Variants in TASP1 observed in about 807,000 individuals in gnomAD.
The protein encoded by TASP1 is threonine aspartase 1.
Under a neutral mutation model 56.6 loss-of-function variants are expected in TASP1, and 16 were observed. The observed-to-expected ratio is 0.28, with a 90% CI of 0.19 to 0.43. The LOEUF is 0.43. Among genes scored for constraint, TASP1 ranks in the 20% least tolerant of loss-of-function variants. The pLI is 1.00. For synonymous variants in TASP1, 179 were observed against 184.2 expected (o/e 0.97, Z 0.23); for missense variants, 393 against 511.6 (o/e 0.77, Z 2.24).
the TASP1 span, among the ~76,000 whole-genome samples, chr20:13,321,200 T>C: frequency 5.6e-5 from 7 of 124,496 alleles, no homozygotes; most frequent in African/African-American, 2.4e-4. Flanking sequence ...AGACCCTGTC[T>C]CCAAAACAAT....
intron 13 of TASP1, among the ~76,000 whole-genome samples, chr20:13,414,762 T>C (rs995915367): frequency 6.6e-6 from 1 of 152,060 alleles, no homozygotes; most frequent in Non-Finnish European, 1.5e-5. Context: ...CTTTATCTTA[T>C]GTTATCAAAG....
At chr20:13,577,365 T>C (rs192690575) in intron 6 of TASP1, among the ~76,000 whole-genome samples, 385 of 152,314 alleles carry the variant, frequency 2.5e-3, no homozygotes, top group Non-Finnish European at 4.0e-3. Flanking sequence ...TGTTTTGTAA[T>C]CTTTTTAAGA....
the TASP1 span, among the ~76,000 whole-genome samples, chr20:13,342,123 G>A: frequency 6.6e-6 from 1 of 152,222 alleles, no homozygotes; most frequent in Non-Finnish European, 1.5e-5. Flanking sequence ...TCATGTGCAA[G>A]CCTAGGAAGA....
chr20:13,385,378 C>T (rs1049434299), downstream of TASP1, among the ~76,000 whole-genome samples: 1 of 152,236 alleles, frequency 6.6e-6, no homozygotes, highest in African/African-American at 2.4e-5. Flanking sequence ...TGCCTGTTAA[C>T]ACTGACTTAG....
chr20:13,248,379 G>A, the TASP1 span, among the ~76,000 whole-genome samples: 1 of 152,100 alleles, frequency 6.6e-6, no homozygotes, highest in Non-Finnish European at 1.5e-5. Flanking sequence ...ATATTCTTTT[G>A]AAAAGATGAT....
chr20:13,228,219 C>G, the TASP1 span, among the ~76,000 whole-genome samples: 5 of 152,058 alleles, frequency 3.3e-5, no homozygotes, highest in South Asian at 6.2e-4. Flanking sequence ...GTGATCTGCC[C>G]GTCCTGGCCT....
In TASP1 at chr20:13,533,502, T is replaced by C. The variant is rs576343849; in HGVS notation, c.795+520A>G. On this transcript the variant is annotated intron_variant, in intron 9 of 13. Transcript: ENST00000337743. ...ATTAGACCATCTCCATTTCTAGATTTGTTAAGTGGTATCATGTGTTGGTGA... is the reference window on the plus strand; with the variant it reads ...ATTAGACCATCTCCATTTCTAGATTCGTTAAGTGGTATCATGTGTTGGTGA... Among the ~76,000 whole-genome samples, 7 of 152,294 alleles carry C rather than the reference T, an allele frequency of 4.6e-5. No homozygotes were observed. In the East Asian group the frequency reaches 1.2e-3, roughly 25 times the overall value.
At chr20:13,612,491 A>AACACAC (rs34343791) in intron 4 of TASP1, among the ~76,000 whole-genome samples, 3,088 of 144,052 alleles carry the variant, frequency 0.021, 54 homozygotes, top group South Asian at 0.064. Flanking sequence ...ATTTGTAGCA[A>AACACAC]ACACACACAC....
the TASP1 span, among the ~76,000 whole-genome samples, chr20:13,195,444 TAG>T: frequency 6.6e-6 from 1 of 152,204 alleles, no homozygotes; most frequent in Non-Finnish European, 1.5e-5. Flanking sequence ...TCCTTTTCCA[TAG>T]CCCTCAATCA....
At chr20:13,392,529 ATAC>A in intron 13 of TASP1, 1 of 263,496 alleles carries the variant, frequency 3.8e-6, no homozygotes, top group Non-Finnish European at 7.5e-6. Flanking sequence ...ACACAGAAGC[ATAC>A]TACTCCGGAA....
the TASP1 span, among the ~76,000 whole-genome samples, chr20:13,324,125 C>G: frequency 4.1e-4 from 63 of 152,262 alleles, no homozygotes; most frequent in East Asian, 0.012. Flanking sequence ...AGGTACTATC[C>G]CTGGGACCTA....
At chr20:13,343,957 C>G in the TASP1 span, among the ~76,000 whole-genome samples, 1 of 152,014 alleles carries the variant, frequency 6.6e-6, no homozygotes, top group Admixed American at 6.5e-5. Context: ...CCCAGCCCAC[C>G]GGGCTTCTGC....
chr20:13,566,889 A>C (rs1034423328), intron 7 of TASP1, among the ~76,000 whole-genome samples: 2 of 152,132 alleles, frequency 1.3e-5, no homozygotes, highest in Non-Finnish European at 2.9e-5. Context: ...AGAGCTAAAA[A>C]CAGAACTACC....
At chr20:13,501,234 G>C (rs1048713551) in intron 10 of TASP1, among the ~76,000 whole-genome samples, 9 of 151,942 alleles carry the variant, frequency 5.9e-5, no homozygotes, top group African/African-American at 2.2e-4. Flanking sequence ...ATTTGTTTAG[G>C]TTAAGGAAAA....
the TASP1 span, chr20:13,165,642 C>A: frequency 6.6e-6 from 1 of 152,196 alleles, no homozygotes; most frequent in African/African-American, 2.4e-5. Context: ...GTAGTTACAA[C>A]AATTTGAACC....
Position 13,559,057 on chromosome 20 carries a change from A to C in TASP1, c.626T>G (p.Val209Gly). The C allele has an allele frequency of 6.3e-7, 1 of 1,597,202 alleles. No homozygotes were observed. The highest frequency in any genetic ancestry group is 8.5e-7 in the Non-Finnish European group (1 of 1,170,992). Residue 209 changes from valine (V) to glycine (G), a missense_variant, in exon 8 of 14, where the codon GTG becomes GGG. By Grantham distance (109) the Val-to-Gly change is moderately radical (BLOSUM62 -3). Around this residue, in one of 3 missense-constraint regions of TASP1, gnomAD observed 293 missense variants for 354.2 expected, o/e 0.83. Transcript: ENST00000337743. ...NKRKLELAERVDTDFMQLKKR... is the reference protein window; with the variant it reads ...NKRKLELAERGDTDFMQLKKR... ...CTTTAGTTGCATAAAATCTGTGTCC[A>C]CCCTTTCTGCCAGCTCTAGTTTCCT...
the TASP1 span, among the ~76,000 whole-genome samples, chr20:13,283,319 C>G: frequency 6.6e-6 from 1 of 152,158 alleles, no homozygotes; most frequent in Admixed American, 6.5e-5. Flanking sequence ...CATGCAATAG[C>G]AAAGCAGTGC....
intron 6 of TASP1, among the ~76,000 whole-genome samples, chr20:13,580,160 T>C (rs1400207599): frequency 1.3e-5 from 2 of 152,188 alleles, no homozygotes; most frequent in African/African-American, 2.4e-5. Flanking sequence ...TAAAATACTA[T>C]AGGGGCCAGG....
At chr20:13,361,618 A>G in the TASP1 span, among the ~76,000 whole-genome samples, 4 of 151,522 alleles carry the variant, frequency 2.6e-5, no homozygotes, top group East Asian at 1.9e-4. Flanking sequence ...ATTAGGCCCC[A>G]GTCTCATTCC....
Sources: allele counts gnomAD v4.1 joint callset (sites outside exome capture counted in the v4.1 genomes callset), GRCh38; gene constraint gnomAD v4.1.1; regional missense constraint gnomAD v4.1.1; transcripts MANE v1.5; gene names NCBI Gene and HGNC (gene_info 2026-07-23, HGNC 2026-07-21).